L3MBTL4: variants seen among roughly 807,000 people sequenced by gnomAD.
The protein encoded by L3MBTL4 is L3MBTL histone methyl-lysine binding protein 4.
Under a neutral mutation model 84.5 loss-of-function variants are expected in L3MBTL4, and 70 were observed. The ratio of observed to expected loss-of-function variants is 0.83; its 90% CI spans 0.68 to 1.01. L3MBTL4 has a LOEUF of 1.01. Among genes scored for constraint, L3MBTL4 ranks in the 50% least tolerant of loss-of-function variants. The pLI, the probability that L3MBTL4 is intolerant of heterozygous loss-of-function variation, is 0.00. For missense variants in L3MBTL4, 715 were observed against 754.8 expected, an observed-to-expected ratio of 0.95 and a Z score of 0.62; for synonymous variants, 274 against 259.8, an observed-to-expected ratio of 1.05 and a Z score of -0.52.
intron 9 of L3MBTL4, among the ~76,000 whole-genome samples, chr18:6,238,578 A>G (rs1407163222): frequency 6.6e-6 from 1 of 152,174 alleles, no homozygotes; most frequent in African/African-American, 2.4e-5. Flanking sequence ...AAGGGCCTGA[A>G]TGAGCTGCCA....
intron 16 of L3MBTL4, chr18:6,029,751 A>T (rs1362770100): frequency 1.0e-6 from 1 of 985,116 alleles, no homozygotes; most frequent in East Asian, 1.1e-4. Flanking sequence ...AAAATTAACC[A>T]ACTGGAATGG....
At chr18:6,247,604 G>A (rs934656769) in intron 5 of L3MBTL4, among the ~76,000 whole-genome samples, 5 of 147,890 alleles carry the variant, frequency 3.4e-5, no homozygotes, top group East Asian at 2.0e-4. Flanking sequence ...TCAGCATCCC[G>A]AGTAGCTGGG....
rs111422689 is a variant in L3MBTL4, at chr18:6,069,814, G to A, written c.1444+11067C>T. 3.9e-4 allele frequency among the ~76,000 whole-genome samples: 59 copies of A among 152,238 alleles called. 2 individuals are homozygous for A. Among genetic ancestry groups the A allele is most frequent in the African/African-American group, 1.4e-3 (59 of 41,548 alleles). On this transcript the variant is annotated intron_variant, in intron 16 of 18. Transcript: ENST00000317931. The stretch of plus-strand genomic sequence containing the variant: ...TCAGATAAATAACGGTGACTAATGT[G>A]TTTACAAAATTAGATGGCAAGATAG...
At chr18:6,065,254 G>T (rs2057363126) in intron 16 of L3MBTL4, among the ~76,000 whole-genome samples, 1 of 150,734 alleles carries the variant, frequency 6.6e-6, no homozygotes, top group Non-Finnish European at 1.5e-5. Flanking sequence ...GATTTGGTCA[G>T]TTAGTATTTT....
rs377465405 is a variant in L3MBTL4, at chr18:6,079,261, G to A, written c.1444+1620C>T. Reference sequence around the variant, plus strand: ...CCTGCCAATTTTCATGGGATGGAATGAACCCCACCTGCACTTCCCCAACAC... The same window carrying A: ...CCTGCCAATTTTCATGGGATGGAATAAACCCCACCTGCACTTCCCCAACAC... On this transcript the variant is annotated intron_variant, in intron 16 of 18. Transcript: ENST00000317931. Among the ~76,000 whole-genome samples the A allele has an allele frequency of 3.3e-5, 5 of 152,144 alleles. No individual in the cohort carries two copies. The East Asian group carries it at 7.7e-4, about 24-fold the overall frequency.
intron 14 of L3MBTL4, among the ~76,000 whole-genome samples, chr18:6,097,794 T>C (rs187912148): frequency 1.8e-4 from 27 of 152,322 alleles, no homozygotes; most frequent in Non-Finnish European, 3.8e-4. Context: ...TTGACTAGAC[T>C]CAGGTGCCTT....
intron 16 of L3MBTL4, among the ~76,000 whole-genome samples, chr18:6,042,829 T>C (rs2056460972): frequency 1.3e-5 from 2 of 152,178 alleles, no homozygotes; most frequent in South Asian, 4.1e-4. Flanking sequence ...CTGCAAATGT[T>C]AATCTCCCGC....
chr18:6,264,799 C>T (rs529691697), intron 4 of L3MBTL4, among the ~76,000 whole-genome samples: 2 of 152,182 alleles, frequency 1.3e-5, no homozygotes, highest in Non-Finnish European at 2.9e-5. Flanking sequence ...AAAAAAAAAT[C>T]GTTCCTAAAA....
At chr18:6,229,177 A>T (rs544424579) in intron 10 of L3MBTL4, among the ~76,000 whole-genome samples, 1 of 152,332 alleles carries the variant, frequency 6.6e-6, no homozygotes, top group South Asian at 2.1e-4. Flanking sequence ...AGCTGTATGA[A>T]CACATACTTG....
At chr18:6,063,476 C>T (rs2057302118) in intron 16 of L3MBTL4, among the ~76,000 whole-genome samples, 1 of 151,944 alleles carries the variant, frequency 6.6e-6, no homozygotes, top group Admixed American at 6.6e-5. Context: ...AGTTTACACT[C>T]CCACCAGCAG....
At chr18:5,986,876 T>C (rs776268790) in intron 16 of L3MBTL4, among the ~76,000 whole-genome samples, 14 of 152,250 alleles carry the variant, frequency 9.2e-5, no homozygotes, top group Admixed American at 3.3e-4. Flanking sequence ...GTTACTAACA[T>C]AGGATTGCTA....
At chr18:5,964,155 T>G (rs968045550) in intron 17 of L3MBTL4, among the ~76,000 whole-genome samples, 2 of 152,260 alleles carry the variant, frequency 1.3e-5, no homozygotes, top group Non-Finnish European at 2.9e-5. Flanking sequence ...AGGCACGCAG[T>G]GTCCTACAGC....
chr18:6,167,020 A>C (rs370717953), intron 13 of L3MBTL4, among the ~76,000 whole-genome samples: 2 of 152,224 alleles, frequency 1.3e-5, no homozygotes, highest in East Asian at 3.8e-4. Flanking sequence ...ACAGAAATAC[A>C]AACTACCATC....
chr18:6,108,213 C>G (rs944715174), intron 14 of L3MBTL4, among the ~76,000 whole-genome samples: 30 of 152,298 alleles, frequency 2.0e-4, no homozygotes, highest in Non-Finnish European at 2.4e-4. Context: ...GCACATATGC[C>G]TTAGTCTAAA....
chr18:6,292,139 T>A (rs903086856), intron 4 of L3MBTL4, among the ~76,000 whole-genome samples: 1 of 152,206 alleles, frequency 6.6e-6, no homozygotes, highest in Non-Finnish European at 1.5e-5. Flanking sequence ...ACTACGTACA[T>A]GTAGCATGCA....
chr18:6,321,413 T>A (rs748116395), intron 1 of L3MBTL4, among the ~76,000 whole-genome samples: 45 of 151,782 alleles, frequency 3.0e-4, no homozygotes, highest in Middle Eastern at 3.4e-3. Context: ...TCAAAAACAA[T>A]AGATGTTGGT....
chr18:6,405,994 T>C (rs930741108), intron 1 of L3MBTL4, among the ~76,000 whole-genome samples: 1 of 147,282 alleles, frequency 6.8e-6, no homozygotes, highest in Non-Finnish European at 1.5e-5. Context: ...AGGGAATGAA[T>C]GAATGTACTC....
intron 14 of L3MBTL4, among the ~76,000 whole-genome samples, chr18:6,128,951 T>C (rs910453988): frequency 4.6e-5 from 7 of 151,842 alleles, no homozygotes; most frequent in East Asian, 3.9e-4. Flanking sequence ...AAAAGCCAAA[T>C]GGAGAAGTTT....
chr18:6,214,794 A>G (rs2046256016), intron 11 of L3MBTL4, among the ~76,000 whole-genome samples: 1 of 152,234 alleles, frequency 6.6e-6, no homozygotes. Context: ...AGCTGAATCC[A>G]CAATAACCCA....
Sources: gnomAD v4.1 joint callset for allele counts (sites outside exome capture counted in the v4.1 genomes callset) on GRCh38, gnomAD v4.1.1 for gene constraint, MANE v1.5 for transcripts, NCBI Gene and HGNC (gene_info 2026-07-23, HGNC 2026-07-21) for gene names.